The following DYSF variants were observed in gnomAD, a reference collection of about 807,000 sequenced individuals.
DYSF encodes the protein dystrophy-associated fer-1-like 1.
A neutral mutation model predicts 274.9 loss-of-function variants in DYSF; 212 were observed. The ratio of observed to expected loss-of-function variants is 0.77; its 90% CI spans 0.69 to 0.86. DYSF has a LOEUF of 0.86. Ranked by LOEUF, DYSF falls within the 40% of genes least tolerant of loss-of-function variation. DYSF has a pLI of 0.00. For missense variants in DYSF, 2,666 were observed against 2,783.2 expected (o/e 0.96, Z 0.95); for synonymous variants, 1,091 against 1,078.7 (o/e 1.01, Z -0.22).
chr2:71,477,280 T>C (rs2082469031), intron 1 of DYSF, among the ~76,000 whole-genome samples: 1 of 152,096 alleles, frequency 6.6e-6, no homozygotes, highest in Non-Finnish European at 1.5e-5. Context: ...GGGTTCCCGG[T>C]GGCACAGATG....
At chr2:71,470,769 CTTCCTTCCTTCCTTCA>C (rs1301751031) in intron 1 of DYSF, among the ~76,000 whole-genome samples, 27 of 140,134 alleles carry the variant, frequency 1.9e-4, no homozygotes, top group African/African-American at 6.2e-4. Flanking sequence ...TCCTTCCTTC[CTTCCTTCCTTCCTTCA>C]TTCCTTCCTT....
At chr2:71,559,991 GC>G (rs2091617240) in intron 22 of DYSF, among the ~76,000 whole-genome samples, 1 of 152,236 alleles carries the variant, frequency 6.6e-6, no homozygotes, top group East Asian at 1.9e-4. Context: ...CTTGGGAGCA[GC>G]CCAGCCCACT....
At chr2:71,466,024 G>A (rs569338119), upstream of DYSF, among the ~76,000 whole-genome samples, 17 of 152,184 alleles carry the variant, frequency 1.1e-4, no homozygotes, top group Non-Finnish European at 2.4e-4. Context: ...TGCCTCCAGA[G>A]ATGAGTGACT....
intron 12 of DYSF, among the ~76,000 whole-genome samples, chr2:71,522,067 T>C (rs2087340021): frequency 6.6e-6 from 1 of 151,502 alleles, no homozygotes; most frequent in Non-Finnish European, 1.5e-5. Context: ...CATCCTCCAC[T>C]GTCTTCTTTA....
intron 42 of DYSF, among the ~76,000 whole-genome samples, chr2:71,652,074 A>G (rs1290897393): frequency 1.3e-5 from 2 of 152,332 alleles, no homozygotes; most frequent in Non-Finnish European, 2.9e-5. Flanking sequence ...TAGAAAATGA[A>G]CTTGTATTTC....
Position 71,544,824 on chromosome 2 carries a change from A to C in DYSF, c.1576+5585A>C, listed in dbSNP as rs145480070. Among the ~76,000 whole-genome samples the C allele has an allele frequency of 2.0e-5, 3 of 152,282 alleles. No homozygotes were observed. In the East Asian group the frequency reaches 5.8e-4, roughly 29 times the overall value. ...ATGTAGGCAGCTATCAGAGGCATGT[A>C]CCTGACATTGTTTTTCATTCACTTC... is the stretch of plus-strand genomic sequence containing the variant. On this transcript the variant is annotated intron_variant, in intron 17 of 55. Transcript: ENST00000410020.
At chr2:71,481,539 T>C (rs1007111554) in intron 2 of DYSF, among the ~76,000 whole-genome samples, 2 of 152,194 alleles carry the variant, frequency 1.3e-5, no homozygotes, top group African/African-American at 4.8e-5. Flanking sequence ...TGCTTCAGGG[T>C]CACCTGGCTT....
chr2:71,454,026 G>A (rs576699922), exon 1 of DYSF: 21 of 1,614,068 alleles, frequency 1.3e-5, no homozygotes, highest in Non-Finnish European at 1.6e-5. Flanking sequence ...CCTCTATGCC[G>A]AGAACGTCCA....
intron 29 of DYSF, among the ~76,000 whole-genome samples, chr2:71,571,296 C>G (rs1285840198): frequency 6.7e-6 from 1 of 150,272 alleles, no homozygotes; most frequent in Non-Finnish European, 1.5e-5. Context: ...ACACCTAGCA[C>G]ACACAGATTA....
At position 71,669,733 on chromosome 2, in the gene DYSF, C is replaced by T. The variant is rs2095085566; in HGVS notation, c.5771C>T (p.Thr1924Ile). The T allele has an allele frequency of 6.2e-7, 1 of 1,614,216 alleles. No homozygotes were observed. Among genetic ancestry groups the T allele is most frequent in the Non-Finnish European group, 8.5e-7 (1 of 1,180,048 alleles). ...TACCTGCCAGCTGAGCAAGTCTGTACCATTGCCAAGAAGGTCAGTGTCCTT... is the reference window on the plus strand; with the variant it reads ...TACCTGCCAGCTGAGCAAGTCTGTATCATTGCCAAGAAGGTCAGTGTCCTT... ...FDYLPAEQVCTIAKKDAFWRL... is the reference protein window; with the variant it reads ...FDYLPAEQVCIIAKKDAFWRL... The change falls in exon 51 of 56, where the codon ACC becomes ATC. Residue 1924 changes from threonine (T) to isoleucine (I), a missense_variant. Physicochemically the swap from Thr to Ile is moderately conservative, Grantham distance 89 (BLOSUM62 -1). Transcript: ENST00000410020.
intron 17 of DYSF, among the ~76,000 whole-genome samples, chr2:71,546,421 G>A (rs766710056): frequency 2.6e-5 from 4 of 152,190 alleles, no homozygotes; most frequent in Non-Finnish European, 5.9e-5. Context: ...TTGTTTTTCT[G>A]TTTTTGTTTT....
intron 42 of DYSF, among the ~76,000 whole-genome samples, chr2:71,647,288 C>T (rs1314698069): frequency 2.6e-5 from 4 of 152,084 alleles, no homozygotes; most frequent in South Asian, 4.1e-4. Flanking sequence ...ATGGAGAATA[C>T]ATTTTTTCCT....
intron 17 of DYSF, chr2:71,549,326 C>T: frequency 1.2e-6 from 2 of 1,611,070 alleles, no homozygotes; most frequent in South Asian, 1.1e-5. Flanking sequence ...ACCCTAACCC[C>T]TTTTCCATTT....
intron 17 of DYSF, among the ~76,000 whole-genome samples, chr2:71,548,083 G>A (rs1468942960): frequency 2.6e-5 from 4 of 152,184 alleles, no homozygotes; most frequent in Non-Finnish European, 4.4e-5. Flanking sequence ...GCCCACAGAA[G>A]GAAACCTCTT....
rs1258050869 is a variant in DYSF, at chr2:71,492,589, T to C, written c.239+10619T>C. Among the ~76,000 whole-genome samples the C allele has an allele frequency of 3.3e-5, 5 of 152,186 alleles. No homozygotes were observed. The East Asian group carries it at 9.6e-4, about 29-fold the overall frequency. On this transcript the variant is annotated intron_variant, in intron 3 of 55. Transcript: ENST00000410020. ...TAATTCAAATTTAAAGTTGTAAAAA[T>C]AGTACAAGAACATCCATATATTCTT...
At chr2:71,572,882 G>A (rs1317892956) in intron 29 of DYSF, among the ~76,000 whole-genome samples, 1 of 152,228 alleles carries the variant, frequency 6.6e-6, no homozygotes, top group Non-Finnish European at 1.5e-5. Flanking sequence ...GGCCCCGTTG[G>A]CATTCATGCA....
At chr2:71,454,108 C>G (rs777596291) in intron 1 of DYSF, 34 of 1,608,654 alleles carry the variant, frequency 2.1e-5, no homozygotes, top group Non-Finnish European at 2.9e-5. Context: ...CGACCACCCT[C>G]GCCCGGGGTC....
chr2:71,552,020 T>C (rs1298964185), intron 19 of DYSF, among the ~76,000 whole-genome samples: 1 of 152,174 alleles, frequency 6.6e-6, no homozygotes, highest in African/African-American at 2.4e-5. Flanking sequence ...TAGCTAACTG[T>C]TAAGTCAAAT....
chr2:71,654,905 C>T (rs890218023), intron 42 of DYSF, among the ~76,000 whole-genome samples: 1 of 152,024 alleles, frequency 6.6e-6, no homozygotes, highest in Non-Finnish European at 1.5e-5. Context: ...ATGGCCAGAA[C>T]TCATCTCTAC....
Sources: allele counts gnomAD v4.1 joint callset (sites outside exome capture counted in the v4.1 genomes callset), GRCh38; gene constraint gnomAD v4.1.1; transcripts MANE v1.5; gene names NCBI Gene and HGNC (gene_info 2026-07-23, HGNC 2026-07-21).